Variants in ELP4 observed in about 807,000 individuals in gnomAD.
ELP4 encodes elongator complex protein 4.
A neutral mutation model predicts 48.9 loss-of-function variants in ELP4; 51 were observed. The observed-to-expected ratio is 1.04, with a 90% CI of 0.83 to 1.32. ELP4 has a LOEUF of 1.32. ELP4 is among the 40% of genes most tolerant of loss of function. ELP4 has a pLI of 0.00. For missense variants in ELP4, 519 were observed against 514.6 expected (o/e 1.01, Z -0.08); for synonymous variants, 210 against 189.2 (o/e 1.11, Z -0.90).
chr11:31,560,372 G>A (rs1275915389), intron 3 of ELP4, among the ~76,000 whole-genome samples: 1 of 151,628 alleles, frequency 6.6e-6, no homozygotes, highest in Admixed American at 6.6e-5. Flanking sequence ...AGTTATATCA[G>A]GTTTTTAGAA....
At chr11:31,547,375 A>C (rs1435510065) in intron 3 of ELP4, among the ~76,000 whole-genome samples, 1 of 152,214 alleles carries the variant, frequency 6.6e-6, no homozygotes, top group Admixed American at 6.5e-5. Flanking sequence ...CAAATAAACT[A>C]GAAAATCTAG....
Position 31,722,801 on chromosome 11 carries a change from G to A in ELP4, c.1144-60592G>A, listed in dbSNP as rs1301339980. 2.0e-5 allele frequency among the ~76,000 whole-genome samples: 3 copies of A among 151,986 alleles called. 1 individual carries two copies. The highest frequency in any genetic ancestry group is 4.2e-4 in the South Asian group (2 of 4,814). ...AAGGTCATGCTCCTTCAGGCACAGG[G>A]ATACTCAGCACAGACTTCACAGGAC... On this transcript the variant is annotated intron_variant, in intron 9 of 9. Coordinates refer to ENST00000640961, the MANE Select transcript of ELP4 (RefSeq NM_019040.5).
intron 3 of ELP4, among the ~76,000 whole-genome samples, chr11:31,574,041 T>C (rs1049040855): frequency 2.0e-5 from 3 of 152,220 alleles, no homozygotes; most frequent in Non-Finnish European, 4.4e-5. Context: ...AATGATCTCA[T>C]AGAGGAATAG....
intron 9 of ELP4, among the ~76,000 whole-genome samples, chr11:31,722,062 G>A (rs1372038199): frequency 2.0e-5 from 3 of 152,036 alleles, no homozygotes; most frequent in Admixed American, 6.6e-5. Flanking sequence ...GATATTTTGG[G>A]TGAAAAATTG....
chr11:31,661,514 G>A (rs919429567), intron 9 of ELP4, among the ~76,000 whole-genome samples: 1 of 151,942 alleles, frequency 6.6e-6, no homozygotes, highest in African/African-American at 2.4e-5. Context: ...CATTCTTTTA[G>A]AGCATAGGTG....
intron 5 of ELP4, among the ~76,000 whole-genome samples, chr11:31,613,345 T>C (rs1041492250): frequency 2.0e-5 from 3 of 152,110 alleles, no homozygotes; most frequent in Non-Finnish European, 4.4e-5. Context: ...TCAAATAAGC[T>C]CATGAAAGAC....
intron 3 of ELP4, among the ~76,000 whole-genome samples, chr11:31,568,139 AG>A (rs1272688143): frequency 9.2e-5 from 14 of 152,246 alleles, no homozygotes; most frequent in African/African-American, 2.7e-4. Flanking sequence ...TATAAAAATC[AG>A]TAGCATTTCT....
At chr11:31,533,615 C>T (rs1184365130) in intron 2 of ELP4, among the ~76,000 whole-genome samples, 4 of 151,202 alleles carry the variant, frequency 2.6e-5, no homozygotes, top group Non-Finnish European at 5.9e-5. Flanking sequence ...GTCTCGATCT[C>T]CTGACCTCGT....
chr11:31,730,397 C>T (rs1383976556), intron 9 of ELP4, among the ~76,000 whole-genome samples: 1 of 152,132 alleles, frequency 6.6e-6, no homozygotes, highest in Non-Finnish European at 1.5e-5. Context: ...AAAGGCAAGC[C>T]TTCATGACTT....
At chr11:31,600,676 C>G (rs182050170) in intron 4 of ELP4, 1 of 152,028 alleles carries the variant, frequency 6.6e-6, no homozygotes, top group East Asian at 1.9e-4. Context: ...CTCACAACAG[C>G]CTTGTAAAAT....
chr11:31,621,592 A>G (rs1224817308), intron 5 of ELP4, among the ~76,000 whole-genome samples: 1 of 151,950 alleles, frequency 6.6e-6, no homozygotes, highest in East Asian at 1.9e-4. Context: ...TCTTAAACCT[A>G]CATTCCAACT....
At chr11:31,575,202 C>T (rs1957253861) in intron 3 of ELP4, among the ~76,000 whole-genome samples, 1 of 152,018 alleles carries the variant, frequency 6.6e-6, no homozygotes, top group South Asian at 2.1e-4. Context: ...GATTGAAGAG[C>T]AAATGAATGA....
intron 3 of ELP4, among the ~76,000 whole-genome samples, chr11:31,592,986 C>A (rs1957609624): frequency 6.6e-6 from 1 of 152,028 alleles, no homozygotes; most frequent in African/African-American, 2.4e-5. Context: ...TTGTGAGTAA[C>A]CATTGTTACA....
chr11:31,532,337 A>G (rs1042795831), intron 2 of ELP4, among the ~76,000 whole-genome samples: 1 of 152,242 alleles, frequency 6.6e-6, no homozygotes, highest in Non-Finnish European at 1.5e-5. Context: ...AATAAATAGC[A>G]TGATGTCAAT....
rs1207950130 is a variant in ELP4 at position 31,697,066 on chromosome 11, G to T, written c.1143+46845G>T. ...ACAAAAATCAAAAGAGACAAAGAAG[G>T]CCATTACATAATGGTAAAGGGATCA... On this transcript the variant is annotated intron_variant, in intron 9 of 9. Transcript: ENST00000640961. Among the ~76,000 whole-genome samples the T allele has an allele frequency of 4.6e-5, 7 of 152,114 alleles. No individual in the cohort carries two copies. In the South Asian group the frequency reaches 1.2e-3, roughly 27 times the overall value.
chr11:31,738,155 G>A (rs1299113823), intron 9 of ELP4, among the ~76,000 whole-genome samples: 1 of 150,664 alleles, frequency 6.6e-6, no homozygotes, highest in East Asian at 1.9e-4. Flanking sequence ...CAGCACTTTG[G>A]GAGACCAAGA....
intron 9 of ELP4, among the ~76,000 whole-genome samples, chr11:31,689,026 C>T (rs1487812817): frequency 6.6e-6 from 1 of 152,108 alleles, no homozygotes; most frequent in Non-Finnish European, 1.5e-5. Flanking sequence ...ACATAAGCAC[C>T]TTGCACAGGG....
chr11:31,643,115 C>G (rs1279428672), intron 7 of ELP4, among the ~76,000 whole-genome samples: 1 of 151,688 alleles, frequency 6.6e-6, no homozygotes, highest in African/African-American at 2.4e-5. Flanking sequence ...GGGTACTCCC[C>G]TCCCCGCTCT....
chr11:31,722,966 G>A (rs1947000443), intron 9 of ELP4, among the ~76,000 whole-genome samples: 1 of 152,122 alleles, frequency 6.6e-6, no homozygotes, highest in African/African-American at 2.4e-5. Flanking sequence ...CCACAGGCCC[G>A]CTGCCCCAGC....
Sources: allele counts gnomAD v4.1 joint callset (sites outside exome capture counted in the v4.1 genomes callset), GRCh38; gene constraint gnomAD v4.1.1; transcripts MANE v1.5; gene names NCBI Gene and HGNC (gene_info 2026-07-23, HGNC 2026-07-21).